Variants in TRPM3 observed in about 807,000 individuals in gnomAD.
TRPM3 encodes the protein long transient receptor potential channel 3.
TRPM3 carries 77 observed loss-of-function variants against 181.2 expected under a neutral mutation model. The observed-to-expected ratio is 0.42, with a 90% CI of 0.35 to 0.51. The LOEUF is 0.51. Ranked by LOEUF, TRPM3 falls within the 20% of genes least tolerant of loss-of-function variation. The pLI, the probability that TRPM3 is intolerant of heterozygous loss-of-function variation, is 0.01. For synonymous variants in TRPM3, 745 were observed against 796.4 expected (o/e 0.94, Z 1.09); for missense variants, 1,759 against 2,196.7 (o/e 0.80, Z 3.98).
At chr9:71,161,345 G>T (rs893124112) in intron 1 of TRPM3, among the ~76,000 whole-genome samples, 3 of 152,058 alleles carry the variant, frequency 2.0e-5, no homozygotes, top group African/African-American at 7.2e-5. Flanking sequence ...ACCCTAGAAG[G>T]TCAATGAAAT....
intron 1 of TRPM3, among the ~76,000 whole-genome samples, chr9:71,405,327 T>C (rs895905496): frequency 2.0e-5 from 3 of 152,220 alleles, no homozygotes; most frequent in Non-Finnish European, 4.4e-5. Flanking sequence ...ATCTTCCTTT[T>C]AGGAATTTAA....
intron 1 of TRPM3, among the ~76,000 whole-genome samples, chr9:71,312,324 A>G (rs2088034500): frequency 6.6e-6 from 1 of 152,204 alleles, no homozygotes; most frequent in Non-Finnish European, 1.5e-5. Context: ...ATGTCAGCAG[A>G]GAAATGCAAA....
chr9:70,613,012 T>C (rs902847782), intron 18 of TRPM3, among the ~76,000 whole-genome samples: 5 of 152,164 alleles, frequency 3.3e-5, no homozygotes. Flanking sequence ...GGGGACTTTA[T>C]TAGGCAAAGT....
At chr9:70,592,922 G>C (rs770934878) in intron 21 of TRPM3, among the ~76,000 whole-genome samples, 1 of 152,024 alleles carries the variant, frequency 6.6e-6, no homozygotes, top group African/African-American at 2.4e-5. Context: ...AATAGAGATG[G>C]GGTTTCACCA....
At chr9:71,129,665 T>C (rs2074254944) in intron 1 of TRPM3, among the ~76,000 whole-genome samples, 1 of 152,196 alleles carries the variant, frequency 6.6e-6, no homozygotes, top group African/African-American at 2.4e-5. Context: ...CATTACAATA[T>C]GCTGCTGCCA....
At chr9:70,564,749 G>A (rs2050109340) in intron 22 of TRPM3, among the ~76,000 whole-genome samples, 1 of 152,158 alleles carries the variant, frequency 6.6e-6, no homozygotes, top group Non-Finnish European at 1.5e-5. Flanking sequence ...ATAATCTATG[G>A]CTCTTGTCGA....
chr9:71,336,169 C>A (rs1413837963), intron 1 of TRPM3, among the ~76,000 whole-genome samples: 8 of 144,890 alleles, frequency 5.5e-5, no homozygotes, highest in African/African-American at 2.1e-4. Context: ...GGCAAGACTA[C>A]AAACTGTCCG....
chr9:71,091,227 T>C (rs948980433), intron 1 of TRPM3, among the ~76,000 whole-genome samples: 1 of 152,160 alleles, frequency 6.6e-6, no homozygotes, highest in African/African-American at 2.4e-5. Context: ...GTATTGATTA[T>C]GTTAAAGGAT....
chr9:71,102,229 TG>T (rs1334561630), intron 1 of TRPM3, among the ~76,000 whole-genome samples: 3 of 152,174 alleles, frequency 2.0e-5, no homozygotes, highest in Admixed American at 1.3e-4. Context: ...CCACCCGTCC[TG>T]GAATCACCAT....
chr9:70,868,048 C>T (rs1347365232), intron 1 of TRPM3, among the ~76,000 whole-genome samples: 1 of 152,064 alleles, frequency 6.6e-6, no homozygotes, highest in African/African-American at 2.4e-5. Flanking sequence ...TAATACAAAA[C>T]TTTAACAGAC....
intron 6 of TRPM3, among the ~76,000 whole-genome samples, chr9:70,792,589 A>G (rs2131025522): frequency 6.6e-6 from 1 of 151,778 alleles, no homozygotes; most frequent in South Asian, 2.1e-4. Context: ...TAAAAGAGGG[A>G]CAGAGGAAGA....
At chr9:70,741,803 CG>C (rs2074157238) in intron 8 of TRPM3, among the ~76,000 whole-genome samples, 1 of 151,992 alleles carries the variant, frequency 6.6e-6, no homozygotes, top group Admixed American at 6.6e-5. Flanking sequence ...AATGATACAA[CG>C]GACTTTGGGT....
intron 1 of TRPM3, among the ~76,000 whole-genome samples, chr9:71,415,853 A>C (rs1013712328): frequency 3.2e-4 from 49 of 152,080 alleles, no homozygotes; most frequent in African/African-American, 1.1e-3. Context: ...ACTAAGAATA[A>C]AATAGTACTA....
At chr9:70,609,413 AT>A (rs1681104601) in intron 19 of TRPM3, among the ~76,000 whole-genome samples, 1 of 152,228 alleles carries the variant, frequency 6.6e-6, no homozygotes, top group Non-Finnish European at 1.5e-5. Context: ...CACTGAAAAC[AT>A]CTAATATTTA....
rs954684993 is a variant in TRPM3 at position 71,339,495 on chromosome 9, A to G, written c.183+107158T>C. ...ATGAATTGACAAGCCAATGGAACAG[A>G]GTAAGTTCTGAAATAGACTCAATAA... On this transcript the variant is annotated intron_variant, in intron 1 of 24. Transcript: ENST00000357533. Among the ~76,000 whole-genome samples the G allele has an allele frequency of 7.1e-5, 10 of 140,632 alleles. No individual in the cohort carries two copies. The Admixed American group carries it at 7.6e-4, about 11-fold the overall frequency. The allele number at this position is 140,632 out of a possible 152,430, so 92.3% of individuals were successfully genotyped here. A position where few individuals can be genotyped will look rare whatever the true frequency, so the allele number is the denominator to read the frequency against.
At chr9:70,940,542 T>C (rs1302351629) in intron 1 of TRPM3, among the ~76,000 whole-genome samples, 4 of 152,164 alleles carry the variant, frequency 2.6e-5, no homozygotes, top group Non-Finnish European at 5.9e-5. Flanking sequence ...CTTGCCCTTA[T>C]GGGGCTTACA....
chr9:70,683,937 A>G (rs1301046547), intron 8 of TRPM3, among the ~76,000 whole-genome samples: 1 of 152,178 alleles, frequency 6.6e-6, no homozygotes, highest in Admixed American at 6.5e-5. Context: ...AGGGCTGGCT[A>G]TGGTCTGAAA....
At chr9:71,331,825 G>GGAAGAGGAGACGGAGGAGGAGGAA (rs2090169111) in intron 1 of TRPM3, among the ~76,000 whole-genome samples, 3 of 1,166 alleles carry the variant, frequency 2.6e-3, no homozygotes, top group Admixed American at 9.8e-3. Flanking sequence ...GAGAGGAGAA[G>GGAAGAGGAGACGGAGGAGGAGGAA]GAAGAGGAGA....
chr9:70,896,474 T>G (rs2132937736), intron 1 of TRPM3, among the ~76,000 whole-genome samples: 1 of 152,248 alleles, frequency 6.6e-6, no homozygotes, highest in Non-Finnish European at 1.5e-5. Flanking sequence ...GTGCCATATC[T>G]TCAATTTATT....
Sources: allele counts gnomAD v4.1 joint callset (sites outside exome capture counted in the v4.1 genomes callset), GRCh38; gene constraint gnomAD v4.1.1; transcripts MANE v1.5; gene names NCBI Gene and HGNC (gene_info 2026-07-23, HGNC 2026-07-21).